Variants in DPP10 observed in about 807,000 individuals in gnomAD.
DPP10 encodes the protein inactive dipeptidyl peptidase 10.
Under a neutral mutation model 120.9 loss-of-function variants are expected in DPP10, and 33 were observed. The observed-to-expected ratio is 0.27, with a 90% confidence interval of 0.21 to 0.37. DPP10 has a LOEUF of 0.37. Ranked by LOEUF, DPP10 falls within the 10% of genes least tolerant of loss-of-function variation. The pLI is 1.00. For missense variants in DPP10, 816 were observed against 942.8 expected (o/e 0.87, Z 1.76); for synonymous variants, 337 against 326.1 (o/e 1.03, Z -0.36).
chr2:114,687,360 T>A (rs190149220), intron 1 of DPP10, among the ~76,000 whole-genome samples: 20 of 152,094 alleles, frequency 1.3e-4, no homozygotes, highest in Non-Finnish European at 2.5e-4. Flanking sequence ...ACTTTAGAAG[T>A]TAGCAGATGT....
chr2:114,921,072 A>C (rs1484592877), intron 1 of DPP10, among the ~76,000 whole-genome samples: 1 of 152,204 alleles, frequency 6.6e-6, no homozygotes, highest in African/African-American at 2.4e-5. Flanking sequence ...TAAACTAACA[A>C]ATAAATAAAG....
intron 1 of DPP10, among the ~76,000 whole-genome samples, chr2:114,539,503 G>T (rs1056256085): frequency 3.3e-5 from 5 of 152,088 alleles, no homozygotes; most frequent in African/African-American, 1.2e-4. Flanking sequence ...TGCTGTAGCA[G>T]GCATGCTTTC....
At chr2:115,501,224 A>G (rs1033071143) in intron 4 of DPP10, among the ~76,000 whole-genome samples, 4 of 152,102 alleles carry the variant, frequency 2.6e-5, no homozygotes, top group African/African-American at 9.7e-5. Context: ...TCATTTACAC[A>G]AGTCAGTGAG....
At chr2:114,978,705 G>T (rs183479054) in intron 1 of DPP10, among the ~76,000 whole-genome samples, 2 of 152,092 alleles carry the variant, frequency 1.3e-5, no homozygotes, top group East Asian at 3.9e-4. Flanking sequence ...AATAGGAGTT[G>T]GGTTCATTCC....
chr2:115,080,907 T>C (rs1295098579), intron 1 of DPP10, among the ~76,000 whole-genome samples: 2 of 152,192 alleles, frequency 1.3e-5, no homozygotes, highest in East Asian at 3.9e-4. Context: ...TTATAATCAT[T>C]CTCTTTTAGT....
intron 7 of DPP10, among the ~76,000 whole-genome samples, chr2:115,711,926 T>G (rs1051134565): frequency 2.7e-5 from 4 of 148,956 alleles, no homozygotes; most frequent in Non-Finnish European, 5.9e-5. Context: ...GTTTTTTTTT[T>G]TTTTTTTTTT....
intron 3 of DPP10, among the ~76,000 whole-genome samples, chr2:115,493,151 T>A (rs142623959): frequency 6.6e-6 from 1 of 152,144 alleles, no homozygotes; most frequent in African/African-American, 2.4e-5. Context: ...GAGATAATGG[T>A]AAGTATTGTG....
intron 12 of DPP10, among the ~76,000 whole-genome samples, chr2:115,766,649 G>A (rs1900283): frequency 0.96 from 146,467 of 151,970 alleles, 70,850 homozygotes; most frequent in East Asian, 1. Context: ...GGTAATGTAT[G>A]AAGAAAAGAA....
intron 1 of DPP10, among the ~76,000 whole-genome samples, chr2:114,858,791 C>G (rs1412486709): frequency 2.6e-5 from 4 of 151,944 alleles, no homozygotes; most frequent in Admixed American, 2.6e-4. Context: ...TCAAAACGAT[C>G]CTAGGAGGTG....
chr2:114,913,973 T>C (rs570022203), intron 1 of DPP10, among the ~76,000 whole-genome samples: 2 of 152,278 alleles, frequency 1.3e-5, no homozygotes, highest in South Asian at 2.1e-4. Context: ...GAGGAAAGCT[T>C]CTCAGAGCTC....
At chr2:115,553,481 CT>C (rs1228330786) in intron 5 of DPP10, among the ~76,000 whole-genome samples, 1 of 151,796 alleles carries the variant, frequency 6.6e-6, no homozygotes, top group African/African-American at 2.4e-5. Flanking sequence ...AAATGTGAAA[CT>C]TTTTTATTTG....
chr2:114,599,410 G>T (rs185372936), intron 1 of DPP10, among the ~76,000 whole-genome samples: 5 of 151,844 alleles, frequency 3.3e-5, no homozygotes, highest in Admixed American at 3.3e-4. Flanking sequence ...ACCTGTGGGG[G>T]CAACTACTGT....
At chr2:115,759,404 A>T (rs1010265955) in intron 11 of DPP10, among the ~76,000 whole-genome samples, 8 of 151,844 alleles carry the variant, frequency 5.3e-5, no homozygotes, top group East Asian at 1.9e-4. Context: ...TATAAAAAAA[A>T]AAAAATAAAA....
chr2:114,542,567 C>T (rs1687045036), intron 1 of DPP10, among the ~76,000 whole-genome samples: 1 of 152,154 alleles, frequency 6.6e-6, no homozygotes, highest in Non-Finnish European at 1.5e-5. Context: ...CCCTCTTATC[C>T]CTGAGTATAG....
intron 2 of DPP10, chr2:115,342,239 C>T (rs1052804504): frequency 2.3e-6 from 1 of 435,354 alleles, no homozygotes; most frequent in Non-Finnish European, 4.6e-6. Flanking sequence ...CACCCTGTCA[C>T]CCAGGCTGGA....
chr2:115,634,755 T>A (rs2086180735), intron 5 of DPP10, among the ~76,000 whole-genome samples: 1 of 152,182 alleles, frequency 6.6e-6, no homozygotes, highest in South Asian at 2.1e-4. Context: ...GGAGGTGCAC[T>A]GTGCTGGGAG....
Position 114,442,722 on chromosome 2 carries a change from T to C in DPP10, c.-57T>C. 2 of 1,605,018 alleles carry C rather than the reference T, an allele frequency of 1.2e-6. No homozygotes were observed. The highest frequency in any genetic ancestry group is 8.5e-7 in the Non-Finnish European group (1 of 1,173,614). ...CTGAAGTCCAATAGAGGAGACTTGA[T>C]CTCTAGTTCATTCTGGAACTCCGCC... On this transcript the variant is annotated 5_prime_UTR_variant, in exon 1 of 26. Coordinates refer to ENST00000410059, the MANE Select transcript of DPP10 (RefSeq NM_020868.6).
At chr2:114,523,287 G>A (rs1467038399) in intron 1 of DPP10, among the ~76,000 whole-genome samples, 1 of 152,110 alleles carries the variant, frequency 6.6e-6, no homozygotes, top group African/African-American at 2.4e-5. Flanking sequence ...TTGACTGCAG[G>A]CTGTTCAATA....
intron 1 of DPP10, among the ~76,000 whole-genome samples, chr2:114,714,985 GAA>G (rs905541072): frequency 6.6e-6 from 1 of 152,124 alleles, no homozygotes; most frequent in Non-Finnish European, 1.5e-5. Context: ...TCGCTTGAAA[GAA>G]TCCTTTTCAA....
Sources: allele counts gnomAD v4.1 joint callset (sites outside exome capture counted in the v4.1 genomes callset), GRCh38; gene constraint gnomAD v4.1.1; transcripts MANE v1.5; gene names NCBI Gene and HGNC (gene_info 2026-07-23, HGNC 2026-07-21).